The following FEZ1 variants were observed in gnomAD, a reference collection of about 807,000 sequenced individuals.
FEZ1 encodes the protein fasciculation and elongation protein zeta-1.
A neutral mutation model predicts 49.3 loss-of-function variants in FEZ1; 20 were observed. The observed-to-expected ratio is 0.41, with a 90% CI of 0.29 to 0.59. FEZ1 has a LOEUF of 0.59. Ranked by LOEUF, FEZ1 falls within the 20% of genes least tolerant of loss-of-function variation. FEZ1 has a pLI of 0.36. For synonymous variants in FEZ1, 170 were observed against 180.9 expected, an observed-to-expected ratio of 0.94 and a Z score of 0.48; for missense variants, 413 against 476.0, an observed-to-expected ratio of 0.87 and a Z score of 1.23.
chr11:125,456,251 C>T (rs1957010273), intron 5 of FEZ1, 145 bp from the exon 6 acceptor site: 2 of 774,178 alleles, frequency 2.6e-6, no homozygotes, highest in Admixed American at 6.2e-5. Context: ...GAAAGACCTT[C>T]ACAATTTACG....
intron 6 of FEZ1, chr11:125,454,465 C>T (rs1489559312): frequency 5.6e-6 from 2 of 354,142 alleles, no homozygotes; most frequent in Non-Finnish European, 1.0e-5. Context: ...CCCAGTTTTC[C>T]TCCTTTTATC....
chr11:125,472,079 T>C (rs1260796082), intron 3 of FEZ1, among the ~76,000 whole-genome samples: 1 of 152,076 alleles, frequency 6.6e-6, no homozygotes, highest in Non-Finnish European at 1.5e-5. Flanking sequence ...GATGAAAACA[T>C]ACCCAATCAA....
chr11:125,464,607 G>T (rs1229355938), intron 3 of FEZ1, among the ~76,000 whole-genome samples: 2 of 152,134 alleles, frequency 1.3e-5, no homozygotes, highest in Non-Finnish European at 2.9e-5. Flanking sequence ...TAATGTCAGA[G>T]GTAGTCTATC....
chr11:125,451,867 CA>C (rs1956961618), intron 8 of FEZ1, among the ~76,000 whole-genome samples: 1 of 152,154 alleles, frequency 6.6e-6, no homozygotes, highest in African/African-American at 2.4e-5. Flanking sequence ...CTATTTTTTC[CA>C]GTCAGCCTTA....
chr11:125,455,016 CAAA>C (rs542942487), intron 6 of FEZ1, among the ~76,000 whole-genome samples: 8 of 54,834 alleles, frequency 1.5e-4, no homozygotes, highest in Admixed American at 1.9e-4. Flanking sequence ...TCCATCTCAC[CAAA>C]AAAAAAAAAA....
intron 2 of FEZ1, among the ~76,000 whole-genome samples, chr11:125,484,224 C>T (rs1267087945): frequency 6.6e-6 from 1 of 152,144 alleles, no homozygotes; most frequent in Non-Finnish European, 1.5e-5. Context: ...AAACCAGATT[C>T]GAAACATGGA....
At chr11:125,449,653 T>G (rs78969378) in intron 8 of FEZ1, among the ~76,000 whole-genome samples, 24 of 152,274 alleles carry the variant, frequency 1.6e-4, no homozygotes, top group African/African-American at 5.8e-4. Flanking sequence ...TGCATTTCTG[T>G]GGGGTCTGGC....
At chr11:125,450,033 T>G (rs11220079) in intron 8 of FEZ1, among the ~76,000 whole-genome samples, 51,086 of 150,778 alleles carry the variant, frequency 0.34, 8,821 homozygotes, top group South Asian at 0.49. Context: ...TTCTGGGTTT[T>G]TTTTTTTTTT....
intron 3 of FEZ1, among the ~76,000 whole-genome samples, chr11:125,475,909 T>C (rs77795142): frequency 0.015 from 2,213 of 152,322 alleles, 53 homozygotes; most frequent in African/African-American, 0.049. Flanking sequence ...TGTTCATCTA[T>C]AAGCGAATGA....
rs1002077587 is a variant in FEZ1 at position 125,489,857 on chromosome 11, C to T, written c.-45-35G>A. 9.4e-6 allele frequency: 14 copies of T among 1,482,232 alleles called. No homozygotes were observed. The African/African-American group carries it at 1.7e-4, about 18-fold the overall frequency. 91.8% of individuals were successfully genotyped at this position (1,482,232 alleles called of 1,614,324 possible). A position where few individuals can be genotyped will look rare whatever the true frequency, so the allele number is the denominator to read the frequency against. On this transcript the variant is annotated intron_variant, in intron 1 of 9. Coordinates refer to ENST00000278919, the MANE Select transcript of FEZ1 (RefSeq NM_005103.5). The surrounding 1 kb of genome is among the most constrained non-coding windows in gnomAD (Gnocchi z 4.2). ...ATGAACAGCGTAATGTGAGTTTAGACCAGGCTAATCTAAATAATAGAGTTA... is the reference window on the plus strand; with the variant it reads ...ATGAACAGCGTAATGTGAGTTTAGATCAGGCTAATCTAAATAATAGAGTTA...
intron 8 of FEZ1, among the ~76,000 whole-genome samples, chr11:125,449,362 GTC>G (rs1956928693): frequency 8.6e-6 from 1 of 116,212 alleles, no homozygotes. Context: ...GTGAGACTCT[GTC>G]TCAAAAACAA....
At chr11:125,493,410 GAA>G (rs1277276597) in intron 1 of FEZ1, among the ~76,000 whole-genome samples, 1 of 72,940 alleles carries the variant, frequency 1.4e-5, no homozygotes, top group Non-Finnish European at 2.5e-5. Context: ...AAGAAAGAAA[GAA>G]AGAAAGAAAG....
At chr11:125,452,498 C>A in intron 7 of FEZ1, 89 bp from the exon 8 acceptor site, 1 of 780,630 alleles carries the variant, frequency 1.3e-6, no homozygotes, top group East Asian at 2.6e-5. Flanking sequence ...ACACACACTG[C>A]AAATCTGACC....
Position 125,495,173 on chromosome 11 carries a change from C to T in FEZ1, c.-46+948G>A. ...TTCACCTCCATCTCAGATCCCCCTC[C>T]TCCCCCCAGTCCGGTGGGGTAAAGA... On this transcript the variant is annotated intron_variant, in intron 1 of 9. Transcript: ENST00000278919. The surrounding 1 kb of genome is among the most constrained non-coding windows in gnomAD (Gnocchi z 4.2). 2.8e-6 allele frequency: 1 copy of T among 355,242 alleles called. No individual in the cohort carries two copies. The highest frequency in any genetic ancestry group is 5.9e-6 in the Non-Finnish European group (1 of 170,634). 22.0% of individuals were successfully genotyped at this position (355,242 alleles called of 1,614,324 possible).
intron 3 of FEZ1, among the ~76,000 whole-genome samples, chr11:125,478,113 C>T (rs1168187634): frequency 6.6e-6 from 1 of 152,206 alleles, no homozygotes; most frequent in Non-Finnish European, 1.5e-5. Flanking sequence ...GTCACAAGGA[C>T]AGCACAAACA....
At chr11:125,478,224 C>A (rs1957248681) in intron 3 of FEZ1, among the ~76,000 whole-genome samples, 1 of 152,170 alleles carries the variant, frequency 6.6e-6, no homozygotes. Context: ...GGGTGGATCA[C>A]CTGAGGTTGG....
At chr11:125,482,974 T>TAA (rs56169482) in intron 2 of FEZ1, among the ~76,000 whole-genome samples, 311 of 28,760 alleles carry the variant, frequency 0.011, 10 homozygotes, top group South Asian at 0.026. Flanking sequence ...CAAGACACTG[T>TAA]AAAAAAAAAA....
chr11:125,459,546 C>A (rs530992652), intron 5 of FEZ1, among the ~76,000 whole-genome samples: 142 of 152,242 alleles, frequency 9.3e-4, no homozygotes, highest in Non-Finnish European at 1.4e-3. Context: ...GAGCCAAGAT[C>A]ATGCCACTGC....
intron 3 of FEZ1, among the ~76,000 whole-genome samples, chr11:125,465,567 G>A (rs924990097): frequency 1.3e-5 from 2 of 152,280 alleles, no homozygotes; most frequent in Admixed American, 1.3e-4. Flanking sequence ...GCTTATGAAA[G>A]GTACTGTGAG....
Sources: gnomAD v4.1 joint callset for allele counts (sites outside exome capture counted in the v4.1 genomes callset) on GRCh38, gnomAD v4.1.1 for gene constraint, Gnocchi (gnomAD v3.1) non-coding constraint, MANE v1.5 for transcripts, NCBI Gene and HGNC (gene_info 2026-07-23, HGNC 2026-07-21) for gene names.